SYNE2: variants seen among roughly 807,000 people sequenced by gnomAD.
SYNE2 encodes nesprin-2.
Under a neutral mutation model 856.3 loss-of-function variants are expected in SYNE2, and 431 were observed. The ratio of observed to expected loss-of-function variants is 0.50; its 90% CI spans 0.47 to 0.55. SYNE2 has a LOEUF of 0.55. SYNE2 is among the 20% of genes least tolerant of loss of function. SYNE2 has a pLI of 0.00. For missense variants in SYNE2, 8,129 were observed against 8,023.2 expected (o/e 1.01, Z -0.50); for synonymous variants, 2,923 against 2,872.3 (o/e 1.02, Z -0.56).
chr14:63,875,130 T>C (rs1595364347), intron 1 of SYNE2, among the ~76,000 whole-genome samples: 1 of 152,106 alleles, frequency 6.6e-6, no homozygotes, highest in Non-Finnish European at 1.5e-5. Context: ...TGCACTAAGC[T>C]TTAAACCATT....
rs2097700067 is a variant in SYNE2, at chr14:64,099,037, T to A, written c.12381+216T>A. 1.3e-5 allele frequency: 7 copies of A among 550,090 alleles called. No individual in the cohort carries two copies. The East Asian group carries it at 2.4e-4, about 18-fold the overall frequency. The allele number at this position is 550,090 out of a possible 1,614,324, so 34.1% of individuals were successfully genotyped here. On this transcript the variant is annotated intron_variant, in intron 63 of 115. Coordinates refer to ENST00000555002, the MANE Select transcript of SYNE2 (RefSeq NM_182914.3). ...AGTGAGATGAATGTAATTCAGACACTCTTGTTGGCATACGGGAGAAGGTGA... is the reference window on the plus strand; with the variant it reads ...AGTGAGATGAATGTAATTCAGACACACTTGTTGGCATACGGGAGAAGGTGA...
At position 64,002,923 on chromosome 14, in the gene SYNE2, G is replaced by A. The variant is rs374980509; in HGVS notation, c.3990G>A (p.Ala1330=). ...DTLKALEDFL[A]SLRTAKLSAE... ...TCAAAGCTCTGGAAGACTTTTTGGC[G>A]TCTCTCAGAACAGCTAAACTCTCTG... is the stretch of plus-strand genomic sequence containing the variant. The change falls in exon 30 of 116, where the codon GCG becomes GCA. Residue 1330 remains alanine, a synonymous_variant. Transcript: ENST00000555002. 187 of 1,614,140 alleles carry A rather than the reference G, an allele frequency of 1.2e-4. 1 individual carries two copies. In the African/African-American group the frequency reaches 1.8e-3, roughly 16 times the overall value.
At chr14:63,909,337 G>A (rs1467354627) in intron 2 of SYNE2, 110 bp downstream of exon 2, 2 of 646,616 alleles carry the variant, frequency 3.1e-6, no homozygotes, top group East Asian at 5.4e-5. Context: ...AAATATATCT[G>A]TATTTTTCCA....
chr14:63,821,779 G>A (rs1242025702), intron 1 of SYNE2, among the ~76,000 whole-genome samples: 2 of 151,774 alleles, frequency 1.3e-5, no homozygotes, highest in Admixed American at 6.6e-5. Context: ...ATGGAGTAAG[G>A]ACCTATGAAA....
At chr14:63,835,457 T>G (rs982256791) in intron 1 of SYNE2, among the ~76,000 whole-genome samples, 2 of 152,002 alleles carry the variant, frequency 1.3e-5, no homozygotes, top group Non-Finnish European at 2.9e-5. Flanking sequence ...GGTCTCAAAC[T>G]CCTGACCTCA....
intron 103 of SYNE2, 138 bp from the exon 104 acceptor site, chr14:64,211,823 C>A: frequency 2.3e-6 from 3 of 1,280,166 alleles, no homozygotes; most frequent in African/African-American, 1.5e-5. Flanking sequence ...GCTTCTGGGG[C>A]TTTCTGGGTA....
rs2097591963 is a variant in SYNE2 at position 64,089,608 on chromosome 14, T to C, written c.11705T>C (p.Met3902Thr). 3.1e-6 allele frequency: 5 copies of C among 1,610,364 alleles called. No homozygotes were observed. The highest frequency in any genetic ancestry group is 4.2e-6 in the Non-Finnish European group (5 of 1,177,452). Reference sequence around the variant, plus strand: ...GCTATTGAATCTGAAGTAAAATCAATGGAAAAAAGAGTTTCAAAAATCAAA... The same window carrying C: ...GCTATTGAATCTGAAGTAAAATCAACGGAAAAAAGAGTTTCAAAAATCAAA... The part of the protein sequence containing the change: ...VVAIESEVKS[M>T]EKRVSKIKTI... Residue 3902 changes from methionine (M) to threonine (T), a missense_variant, in exon 59 of 116, where the codon ATG becomes ACG. Met to Thr is a moderately conservative substitution (Grantham distance 81, BLOSUM62 -1). Around this residue, in one of 3 missense-constraint regions of SYNE2, gnomAD observed 5,410 missense variants for 5,284.8 expected, o/e 1.02. Transcript: ENST00000555002.
intron 1 of SYNE2, among the ~76,000 whole-genome samples, chr14:63,810,634 A>G (rs2139825200): frequency 1.3e-5 from 2 of 152,286 alleles, no homozygotes; most frequent in Admixed American, 1.3e-4. Context: ...GAAAAAACTG[A>G]TAAGGATGAT....
In SYNE2 at chr14:64,098,151, G is replaced by T. The variant is rs1199301360; in HGVS notation, c.12306+5G>T. 1 of 1,613,774 alleles carries T rather than the reference G, an allele frequency of 6.2e-7. No individual in the cohort carries two copies. Among genetic ancestry groups the T allele is most frequent in the Admixed American group, 1.7e-5 (1 of 60,016 alleles). Reference sequence around the variant, plus strand: ...AGGGATGCTTCTGAGCGGAAGGTGGGTATGACTTTAGGTTAATGCTGGCCC... The same window carrying T: ...AGGGATGCTTCTGAGCGGAAGGTGGTTATGACTTTAGGTTAATGCTGGCCC... On this transcript the variant is annotated splice_donor_5th_base_variant and intron_variant, in intron 62 of 115. Coordinates refer to ENST00000555002, the MANE Select transcript of SYNE2 (RefSeq NM_182914.3).
chr14:64,010,131 C>A lies in SYNE2; in HGVS notation c.4728+15C>A, dbSNP rs2096832036. 1 of 1,605,602 alleles carries A rather than the reference C, an allele frequency of 6.2e-7. No homozygotes were observed. Among genetic ancestry groups the A allele is most frequent in the South Asian group, 1.1e-5 (1 of 89,886 alleles). Reference sequence around the variant, plus strand: ...GGATAGCAGAGGTGAGTCCAGGTTCCATTAGAAAAAACTGCCCAGTGACCT... The same window carrying A: ...GGATAGCAGAGGTGAGTCCAGGTTCAATTAGAAAAAACTGCCCAGTGACCT... On this transcript the variant is annotated intron_variant, in intron 32 of 115. Transcript: ENST00000555002.
At chr14:63,933,785 G>A (rs1157621224) in intron 2 of SYNE2, among the ~76,000 whole-genome samples, 1 of 152,034 alleles carries the variant, frequency 6.6e-6, no homozygotes, top group African/African-American at 2.4e-5. Flanking sequence ...CTGATTAAAA[G>A]GTCCTATTCT....
intron 1 of SYNE2, among the ~76,000 whole-genome samples, chr14:63,906,827 G>A (rs1484471099): frequency 1.3e-5 from 2 of 152,182 alleles, no homozygotes; most frequent in Non-Finnish European, 2.9e-5. Context: ...TGGGTAGTTT[G>A]TAAATGACAG....
chr14:64,150,555 T>G (rs980940213), intron 84 of SYNE2, among the ~76,000 whole-genome samples: 1 of 151,022 alleles, frequency 6.6e-6, no homozygotes, highest in Non-Finnish European at 1.5e-5. Context: ...TTGAAGGGTG[T>G]GTGTGTGTGT....
intron 51 of SYNE2, 123 bp downstream of exon 51, chr14:64,065,773 A>G (rs1050207627): frequency 7.9e-6 from 8 of 1,017,386 alleles, no homozygotes; most frequent in Non-Finnish European, 1.2e-5. Context: ...CACATCACTT[A>G]TACATGATAC....
Position 64,093,380 on chromosome 14 carries a change from A to C in SYNE2, c.12008A>C (p.Glu4003Ala). 6.2e-7 allele frequency: 1 copy of C among 1,614,126 alleles called. No homozygotes were observed. The change falls in exon 61 of 116, where the codon GAA (glutamate) becomes GCA (alanine). Residue 4003 changes from glutamate (E) to alanine (A), a missense_variant. Transcript: ENST00000555002. ...ATAAAACAGACCAATGAATGGGATG[A>C]AGAAATAGAAAATTTGAAACAGATC... ...VVIKQTNEWD[E>A]EIENLKQILN...
rs1378715570 is a variant in SYNE2, at chr14:64,149,406, T to A, written c.15640-3158T>A. On this transcript the variant is annotated intron_variant, in intron 84 of 115. Coordinates refer to ENST00000555002, the MANE Select transcript of SYNE2 (RefSeq NM_182914.3). ...AATGCTTCAGTTCAGGTAAGCTTGC[T>A]AAAGTGGCTTTACTCTAGAAAAGTT... Among the ~76,000 whole-genome samples the A allele has an allele frequency of 3.3e-5, 5 of 152,260 alleles. No individual in the cohort carries two copies. The East Asian group carries it at 9.6e-4, about 29-fold the overall frequency.
upstream of SYNE2, among the ~76,000 whole-genome samples, chr14:63,848,549 T>C (rs1376894029): frequency 6.6e-6 from 1 of 152,186 alleles, no homozygotes. Context: ...AAACAAGACA[T>C]ACAACAGGAT....
In SYNE2 at chr14:64,223,397, C is replaced by T. The variant is rs777303472; in HGVS notation, c.20382+17C>T. ...GGAACCCAGGTGAGTCTACTTGTAGCTTTTAACTGTAAAGATTGCCGTATT... is the reference window on the plus strand; with the variant it reads ...GGAACCCAGGTGAGTCTACTTGTAGTTTTTAACTGTAAAGATTGCCGTATT... On this transcript the variant is annotated intron_variant, in intron 113 of 115. Coordinates refer to ENST00000555002, the MANE Select transcript of SYNE2 (RefSeq NM_182914.3). The T allele has an allele frequency of 2.5e-6, 4 of 1,612,976 alleles. No individual in the cohort carries two copies. Among genetic ancestry groups the T allele is most frequent in the East Asian group, 4.5e-5 (2 of 44,858 alleles).
At chr14:63,817,236 G>C (rs1189186181) in intron 1 of SYNE2, among the ~76,000 whole-genome samples, 1 of 152,166 alleles carries the variant, frequency 6.6e-6, no homozygotes, top group Non-Finnish European at 1.5e-5. Context: ...GAGGCAGGTG[G>C]ATTGCTTGAG....
Sources: gnomAD v4.1 joint callset for allele counts (sites outside exome capture counted in the v4.1 genomes callset) on GRCh38, gnomAD v4.1.1 for gene constraint, gnomAD v4.1.1 regional missense constraint, MANE v1.5 for transcripts, NCBI Gene and HGNC (gene_info 2026-07-23, HGNC 2026-07-21) for gene names.